RB1CC1: variants seen among roughly 807,000 people sequenced by gnomAD.
RB1CC1 encodes RB1 inducible coiled-coil 1.
In RB1CC1, 46 loss-of-function variants were observed where a neutral mutation model predicts 177.5. The observed-to-expected ratio is 0.26, with a 90% confidence interval of 0.20 to 0.33. The LOEUF is 0.33. RB1CC1 is among the 10% of genes least tolerant of loss of function. The pLI is 1.00. For synonymous variants in RB1CC1, 666 were observed against 613.6 expected, an observed-to-expected ratio of 1.09 and a Z score of -1.26; for missense variants, 1,703 against 1,816.3, an observed-to-expected ratio of 0.94 and a Z score of 1.13.
At chr8:52,629,773 C>A (rs930252685) in intron 21 of RB1CC1, among the ~76,000 whole-genome samples, 5 of 152,198 alleles carry the variant, frequency 3.3e-5, no homozygotes, top group African/African-American at 7.2e-5. Context: ...GCTCTTTCAA[C>A]CAACTGCCAA....
At chr8:52,688,149 TGAACAA>T in intron 1 of RB1CC1, among the ~76,000 whole-genome samples, 1 of 152,344 alleles carries the variant, frequency 6.6e-6, no homozygotes, top group Non-Finnish European at 1.5e-5. Flanking sequence ...CATGTGTGTT[TGAACAA>T]TATGCAATCA....
intron 1 of RB1CC1, among the ~76,000 whole-genome samples, 187 bp from the exon 2 acceptor site, chr8:52,687,154 A>G (rs1303088016): frequency 6.6e-6 from 1 of 152,150 alleles, no homozygotes; most frequent in African/African-American, 2.4e-5. Context: ...GCATCAAACA[A>G]AAGTCACCAA....
chr8:52,634,485 C>T (rs1304544652), intron 20 of RB1CC1, among the ~76,000 whole-genome samples: 1 of 151,562 alleles, frequency 6.6e-6, no homozygotes, highest in Non-Finnish European at 1.5e-5. Context: ...GAGATCACAC[C>T]ACTCCAGCCT....
chr8:52,704,903 T>C (rs1856418216), intron 1 of RB1CC1, among the ~76,000 whole-genome samples: 1 of 152,218 alleles, frequency 6.6e-6, no homozygotes, highest in African/African-American at 2.4e-5. Flanking sequence ...AAAGTCCTTC[T>C]TAACTTTTAT....
intron 1 of RB1CC1, among the ~76,000 whole-genome samples, chr8:52,701,790 TTGAAAAAAAAAAAAATCA>T (rs996260785): frequency 1.3e-5 from 2 of 151,330 alleles, no homozygotes; most frequent in African/African-American, 4.9e-5. Flanking sequence ...AAAGTCTTCT[TTGAAAAAAAAAAAAATCA>T]CTTTTTTTTT....
chr8:52,670,125 A>T (rs1852431814), intron 7 of RB1CC1, among the ~76,000 whole-genome samples: 1 of 152,108 alleles, frequency 6.6e-6, no homozygotes, highest in Non-Finnish European at 1.5e-5. Context: ...AGACATGGGT[A>T]TCGCCCTGTT....
intron 8 of RB1CC1, among the ~76,000 whole-genome samples, chr8:52,662,727 A>T (rs1851736351): frequency 6.6e-6 from 1 of 152,092 alleles, no homozygotes; most frequent in African/African-American, 2.4e-5. Context: ...TGAATGATAT[A>T]TACTGAAGTC....
At chr8:52,659,904 C>T (rs1166137502) in intron 12 of RB1CC1, among the ~76,000 whole-genome samples, 2 of 152,048 alleles carry the variant, frequency 1.3e-5, no homozygotes, top group Non-Finnish European at 2.9e-5. Context: ...GGCTGAGGCA[C>T]AAGAACAGCT....
chr8:52,644,499 T>C (rs145447910), intron 16 of RB1CC1, among the ~76,000 whole-genome samples: 200 of 152,278 alleles, frequency 1.3e-3, no homozygotes, highest in Middle Eastern at 3.4e-3. Flanking sequence ...GAATGAATCA[T>C]AGAGAAGAAT....
intron 1 of RB1CC1, among the ~76,000 whole-genome samples, chr8:52,694,997 G>T (rs1563456163): frequency 6.6e-6 from 1 of 152,130 alleles, no homozygotes; most frequent in Non-Finnish European, 1.5e-5. Flanking sequence ...AAATTAATAA[G>T]AAAATCACAA....
intron 20 of RB1CC1, 128 bp downstream of exon 20, chr8:52,634,793 G>A (rs913225065): frequency 7.9e-6 from 6 of 758,302 alleles, no homozygotes; most frequent in South Asian, 4.0e-5. Context: ...TGACCAACAC[G>A]GACCAACAAA....
intron 16 of RB1CC1, among the ~76,000 whole-genome samples, chr8:52,644,281 G>T (rs1219723227): frequency 6.6e-6 from 1 of 151,970 alleles, no homozygotes; most frequent in Non-Finnish European, 1.5e-5. Context: ...AAATTGGAAG[G>T]TACCTTAGAA....
rs756192415 is a variant in RB1CC1 at position 52,622,862 on chromosome 8, T to C, written c.*920A>G. 1 of 152,136 alleles carries C rather than the reference T, an allele frequency of 6.6e-6. No individual in the cohort carries two copies. Among genetic ancestry groups the C allele is most frequent in the Non-Finnish European group, 1.5e-5 (1 of 67,634 alleles). The allele number at this position is 152,136 out of a possible 1,614,324, so 9.4% of individuals were successfully genotyped here. ...CAATCACTCAAATATATTAAAAATG[T>C]ATCCTTCTTTAAAAGGCACACACAT... On this transcript the variant is annotated 3_prime_UTR_variant, in exon 24 of 24. Coordinates refer to ENST00000025008, the MANE Select transcript of RB1CC1 (RefSeq NM_014781.5).
At chr8:52,650,423 A>G (rs1239783258) in intron 15 of RB1CC1, among the ~76,000 whole-genome samples, 1 of 152,214 alleles carries the variant, frequency 6.6e-6, no homozygotes, top group East Asian at 1.9e-4. Context: ...ACAACTGACG[A>G]AAGTCTTCAA....
At chr8:52,636,180 A>G in intron 18 of RB1CC1, 111 bp from the exon 19 acceptor site, 2 of 1,224,914 alleles carry the variant, frequency 1.6e-6, no homozygotes, top group South Asian at 1.7e-5. Context: ...AAGGGTTTTC[A>G]TAAATTTTCA....
At chr8:52,710,603 T>TAACGA (rs1856975326) in intron 1 of RB1CC1, among the ~76,000 whole-genome samples, 1 of 152,170 alleles carries the variant, frequency 6.6e-6, no homozygotes, top group Non-Finnish European at 1.5e-5. Flanking sequence ...CATTACACAT[T>TAACGA]TTGGTGTCCC....
At chr8:52,689,863 C>T (rs967102927) in intron 1 of RB1CC1, among the ~76,000 whole-genome samples, 1 of 151,834 alleles carries the variant, frequency 6.6e-6, no homozygotes, top group South Asian at 2.1e-4. Flanking sequence ...AACTGGGAGG[C>T]GGAGGTTGCA....
At chr8:52,646,008 C>A (rs1849990120) in intron 15 of RB1CC1, 141 bp from the exon 16 acceptor site, 4 of 802,806 alleles carry the variant, frequency 5.0e-6, no homozygotes, top group Non-Finnish European at 7.7e-6. Flanking sequence ...CTCTTTGAAT[C>A]TAAAAAGTAA....
At chr8:52,633,008 C>G (rs550597878) in intron 20 of RB1CC1, among the ~76,000 whole-genome samples, 3 of 152,194 alleles carry the variant, frequency 2.0e-5, no homozygotes, top group Non-Finnish European at 4.4e-5. Context: ...AGGCTAATCA[C>G]AGTTTCAAAA....
Sources: allele counts gnomAD v4.1 joint callset (sites outside exome capture counted in the v4.1 genomes callset), GRCh38; gene constraint gnomAD v4.1.1; transcripts MANE v1.5; gene names NCBI Gene and HGNC (gene_info 2026-07-23, HGNC 2026-07-21).